Variants in USP32 observed in about 807,000 individuals in gnomAD.
The protein encoded by USP32 is ubiquitin carboxyl-terminal hydrolase 32.
In USP32, 59 loss-of-function variants were observed where a neutral mutation model predicts 204.8. The ratio of observed to expected loss-of-function variants is 0.29; its 90% CI spans 0.23 to 0.36. USP32 has a LOEUF of 0.36. Ranked by LOEUF, USP32 falls within the 10% of genes least tolerant of loss-of-function variation. The pLI, the probability that USP32 is intolerant of heterozygous loss-of-function variation, is 1.00. For missense variants in USP32, 1,160 were observed against 1,946.4 expected, an observed-to-expected ratio of 0.60 and a Z score of 7.60; for synonymous variants, 517 against 678.4, an observed-to-expected ratio of 0.76 and a Z score of 3.70.
At chr17:60,390,267 C>A (rs2089807465) in intron 1 of USP32, among the ~76,000 whole-genome samples, 1 of 152,184 alleles carries the variant, frequency 6.6e-6, no homozygotes, top group Admixed American at 6.5e-5. Context: ...TTTCTCAATG[C>A]CAGGTACATC....
intron 2 of USP32, among the ~76,000 whole-genome samples, chr17:60,306,267 A>AT (rs999101339): frequency 2.6e-5 from 4 of 152,204 alleles, no homozygotes; most frequent in Admixed American, 1.3e-4. Context: ...TCTTGATGTC[A>AT]TTTTTTGAAA....
intron 27 of USP32, 56 bp downstream of exon 27, chr17:60,198,204 A>G (rs1598048856): frequency 2.8e-5 from 45 of 1,580,854 alleles, no homozygotes; most frequent in Non-Finnish European, 3.1e-5. Context: ...GAATTCATAT[A>G]GATTATTTTT....
At chr17:60,411,971 C>G (rs1432749976) in intron 1 of USP32, among the ~76,000 whole-genome samples, 1 of 151,574 alleles carries the variant, frequency 6.6e-6, no homozygotes, top group Non-Finnish European at 1.5e-5. Flanking sequence ...CTGTTTGAGT[C>G]CCTGCATTCA....
At chr17:60,350,383 G>A (rs959566690) in intron 1 of USP32, among the ~76,000 whole-genome samples, 4 of 152,170 alleles carry the variant, frequency 2.6e-5, no homozygotes, top group Non-Finnish European at 5.9e-5. Flanking sequence ...CCACCTCCCA[G>A]GTTCAAGTGA....
chr17:60,249,503 G>A (rs989061331), intron 11 of USP32: 4 of 469,970 alleles, frequency 8.5e-6, no homozygotes, highest in African/African-American at 8.1e-5. Context: ...AGCTGGTGAT[G>A]TCAGTTTTCC....
chr17:60,398,282 G>A (rs2089912543), intron 1 of USP32, among the ~76,000 whole-genome samples: 1 of 152,144 alleles, frequency 6.6e-6, no homozygotes, highest in Non-Finnish European at 1.5e-5. Flanking sequence ...TGTAGTCTCA[G>A]CTACTCAGGA....
chr17:60,222,595 G>A, intron 14 of USP32, 46 bp from the exon 15 acceptor site: 1 of 1,566,650 alleles, frequency 6.4e-7, no homozygotes, highest in Non-Finnish European at 8.7e-7. Context: ...TATTACAAAA[G>A]TTTTTGGGTC....
At chr17:60,419,865 A>T (rs1169014265) in intron 1 of USP32, among the ~76,000 whole-genome samples, 4 of 140,474 alleles carry the variant, frequency 2.8e-5, no homozygotes, top group Non-Finnish European at 6.2e-5. Flanking sequence ...TTATTATTTT[A>T]TTATTATTAT....
At chr17:60,286,653 G>C (rs1330335647) in intron 5 of USP32, among the ~76,000 whole-genome samples, 1 of 152,210 alleles carries the variant, frequency 6.6e-6, no homozygotes, top group African/African-American at 2.4e-5. Context: ...TAAGTAATGT[G>C]TTAAGCCAGA....
At chr17:60,362,740 C>T (rs536575746) in intron 1 of USP32, among the ~76,000 whole-genome samples, 1 of 152,104 alleles carries the variant, frequency 6.6e-6, no homozygotes, top group African/African-American at 2.4e-5. Flanking sequence ...ATTTATCATT[C>T]TCCTGGTTCA....
chr17:60,262,741 A>G (rs2086484735), intron 9 of USP32, among the ~76,000 whole-genome samples: 1 of 152,098 alleles, frequency 6.6e-6, no homozygotes, highest in Admixed American at 6.6e-5. Context: ...ACTACACAGG[A>G]TGTTTTACTG....
At chr17:60,271,596 A>T in intron 5 of USP32, 115 bp from the exon 6 acceptor site, 2 of 1,097,606 alleles carry the variant, frequency 1.8e-6, no homozygotes, top group Non-Finnish European at 2.5e-6. Context: ...TTCAATTGCT[A>T]AAAAATAATC....
chr17:60,249,067 A>C (rs1396375088), intron 11 of USP32: 1 of 151,500 alleles, frequency 6.6e-6, no homozygotes, highest in African/African-American at 2.4e-5. Context: ...CTTTTTTATT[A>C]TCTGTTTTTA....
intron 3 of USP32, among the ~76,000 whole-genome samples, chr17:60,297,721 G>A (rs2087470951): frequency 1.3e-5 from 2 of 152,106 alleles, no homozygotes; most frequent in Admixed American, 6.5e-5. Flanking sequence ...GATTACAGGT[G>A]TGAGCCATCA....
At position 60,230,791 on chromosome 17, in the gene USP32, T is replaced by A. The variant is rs537473589; in HGVS notation, c.1240-4560A>T. Among the ~76,000 whole-genome samples the A allele has an allele frequency of 7.2e-5, 11 of 152,318 alleles. No individual in the cohort carries two copies. In the South Asian group the frequency reaches 1.5e-3, roughly 20 times the overall value. ...TTGGCTTTCAGTGAAATAGCTACCTTTTCATCCGATTAATCTTATTACCAC... is the reference window on the plus strand; with the variant it reads ...TTGGCTTTCAGTGAAATAGCTACCTATTCATCCGATTAATCTTATTACCAC... On this transcript the variant is annotated intron_variant, in intron 12 of 33. Coordinates refer to ENST00000300896, the MANE Select transcript of USP32 (RefSeq NM_032582.4).
intron 2 of USP32, among the ~76,000 whole-genome samples, chr17:60,342,029 A>G (rs2088671802): frequency 1.3e-5 from 2 of 152,206 alleles, no homozygotes; most frequent in South Asian, 2.1e-4. Context: ...GTTTCTCCCC[A>G]TCTTTGTGGT....
intron 16 of USP32, 87 bp from the exon 17 acceptor site, chr17:60,214,861 A>C (rs1196266340): frequency 1.1e-5 from 16 of 1,515,584 alleles, no homozygotes; most frequent in Non-Finnish European, 1.4e-5. Flanking sequence ...CTATTTTAGG[A>C]AATAATAATG....
chr17:60,373,727 A>T (rs1264559584), intron 1 of USP32, among the ~76,000 whole-genome samples: 1 of 152,100 alleles, frequency 6.6e-6, no homozygotes, highest in Non-Finnish European at 1.5e-5. Context: ...TTGGGTTACA[A>T]GCGTGAGCCA....
At chr17:60,350,952 G>A (rs1417187132) in intron 1 of USP32, among the ~76,000 whole-genome samples, 1 of 151,934 alleles carries the variant, frequency 6.6e-6, no homozygotes, top group Admixed American at 6.6e-5. Context: ...GAGAACCTAA[G>A]AGACAGTCAA....
Sources: gnomAD v4.1 joint callset for allele counts (sites outside exome capture counted in the v4.1 genomes callset) on GRCh38, gnomAD v4.1.1 for gene constraint, MANE v1.5 for transcripts, NCBI Gene and HGNC (gene_info 2026-07-23, HGNC 2026-07-21) for gene names.